Variants in GLIS3 observed in about 807,000 individuals in gnomAD.
GLIS3 encodes zinc finger protein GLIS3.
In GLIS3, 53 loss-of-function variants were observed where a neutral mutation model predicts 78.6. The observed-to-expected ratio is 0.67, with a 90% CI of 0.54 to 0.85. GLIS3 has a LOEUF of 0.85. Ranked by LOEUF, GLIS3 falls within the 40% of genes least tolerant of loss-of-function variation. GLIS3 has a pLI of 0.00. For missense variants in GLIS3, 1,703 were observed against 1,231.1 expected (o/e 1.38, Z -5.74); for synonymous variants, 684 against 509.9 (o/e 1.34, Z -4.60).
chr9:4,073,689 C>T (rs1016090320), intron 4 of GLIS3, among the ~76,000 whole-genome samples: 4 of 152,212 alleles, frequency 2.6e-5, no homozygotes, highest in African/African-American at 7.2e-5. Context: ...ATACCACCTA[C>T]GCGGCAGTCG....
chr9:4,407,571 C>T, the GLIS3 span, among the ~76,000 whole-genome samples: 72 of 152,232 alleles, frequency 4.7e-4, no homozygotes, highest in African/African-American at 1.6e-3. Flanking sequence ...GGCGAGAACC[C>T]GGGAGGCGGA....
chr9:4,048,619 A>T (rs964843927), intron 4 of GLIS3, among the ~76,000 whole-genome samples: 1 of 152,162 alleles, frequency 6.6e-6, no homozygotes, highest in Non-Finnish European at 1.5e-5. Flanking sequence ...GCATCTCTTC[A>T]AAGAGAGCAC....
At chr9:4,459,151 C>A in the GLIS3 span, among the ~76,000 whole-genome samples, 1 of 152,108 alleles carries the variant, frequency 6.6e-6, no homozygotes, top group Non-Finnish European at 1.5e-5. Flanking sequence ...ATTTAGGAGA[C>A]CATTGAATAA....
the GLIS3 span, among the ~76,000 whole-genome samples, chr9:4,476,824 C>G: frequency 2.6e-5 from 4 of 151,884 alleles, no homozygotes; most frequent in East Asian, 7.7e-4. Context: ...AAAGTGTAGC[C>G]ACAATCCTAA....
intron 2 of GLIS3, among the ~76,000 whole-genome samples, chr9:4,273,279 GC>G (rs2130180613): frequency 6.6e-6 from 1 of 152,216 alleles, no homozygotes; most frequent in Non-Finnish European, 1.5e-5. Context: ...CACTTTACCT[GC>G]CCTACCAGTT....
chr9:4,255,903 G>A (rs1391291468), intron 2 of GLIS3, among the ~76,000 whole-genome samples: 1 of 152,126 alleles, frequency 6.6e-6, no homozygotes, highest in Non-Finnish European at 1.5e-5. Context: ...CCACTGTAAC[G>A]AGTGTACTAC....
At chr9:3,933,949 C>T (rs1423963382) in intron 5 of GLIS3, among the ~76,000 whole-genome samples, 2 of 152,120 alleles carry the variant, frequency 1.3e-5, no homozygotes, top group Non-Finnish European at 2.9e-5. Context: ...CTGCTGTGTT[C>T]ATTGATTGAC....
At chr9:4,289,467 C>T (rs982450855) in intron 1 of GLIS3, among the ~76,000 whole-genome samples, 1 of 152,128 alleles carries the variant, frequency 6.6e-6, no homozygotes, top group African/African-American at 2.4e-5. Context: ...CAATACTAAC[C>T]ATGAACAACA....
At chr9:4,327,167 A>T (rs1055557725) in intron 2 of GLIS3, among the ~76,000 whole-genome samples, 13 of 152,020 alleles carry the variant, frequency 8.6e-5, no homozygotes, top group African/African-American at 3.1e-4. Flanking sequence ...TAGAGGTGAG[A>T]AGGGAGAGTG....
intron 2 of GLIS3, among the ~76,000 whole-genome samples, chr9:4,218,567 C>T (rs529633871): frequency 2.0e-5 from 3 of 152,270 alleles, no homozygotes; most frequent in Admixed American, 6.5e-5. Context: ...CGTGAGCCAC[C>T]GCGCCCGGCC....
At chr9:4,198,394 T>C (rs80018895) in intron 2 of GLIS3, among the ~76,000 whole-genome samples, 2,418 of 152,204 alleles carry the variant, frequency 0.016, 69 homozygotes, top group African/African-American at 0.055. Flanking sequence ...AAAACTCACT[T>C]AAGGAATTAC....
intron 2 of GLIS3, among the ~76,000 whole-genome samples, chr9:4,325,690 C>CT (rs1213116184): frequency 5.3e-5 from 8 of 152,104 alleles, no homozygotes; most frequent in Middle Eastern, 3.4e-3. Context: ...AATCAACTCT[C>CT]TTTTTTTTGA....
At chr9:4,217,409 C>T (rs1820952342) in intron 2 of GLIS3, among the ~76,000 whole-genome samples, 1 of 152,156 alleles carries the variant, frequency 6.6e-6, no homozygotes, top group African/African-American at 2.4e-5. Context: ...GCAGTCACAA[C>T]AAAGACAACT....
intron 2 of GLIS3, among the ~76,000 whole-genome samples, chr9:4,136,600 T>G (rs1833425583): frequency 6.6e-6 from 1 of 152,154 alleles, no homozygotes; most frequent in Non-Finnish European, 1.5e-5. Flanking sequence ...AGACTGGCAT[T>G]CTAAGGAATA....
At chr9:4,040,286 T>TAAA (rs979901550) in intron 4 of GLIS3, among the ~76,000 whole-genome samples, 1 of 128,470 alleles carries the variant, frequency 7.8e-6, no homozygotes, top group Non-Finnish European at 1.6e-5. Context: ...CTTCACAAGG[T>TAAA]AAAAAAAACA....
At chr9:4,179,938 G>A (rs567455272) in intron 2 of GLIS3, among the ~76,000 whole-genome samples, 13 of 151,920 alleles carry the variant, frequency 8.6e-5, no homozygotes, top group African/African-American at 2.9e-4. Flanking sequence ...TTCTAGCCGC[G>A]TTAACAGCAT....
intron 2 of GLIS3, among the ~76,000 whole-genome samples, chr9:4,182,627 C>T (rs1018307600): frequency 1.3e-5 from 2 of 152,160 alleles, no homozygotes; most frequent in African/African-American, 4.8e-5. Flanking sequence ...ATCGCACTCA[C>T]TCTTCATCTT....
At chr9:4,042,301 G>A (rs931081477) in intron 4 of GLIS3, among the ~76,000 whole-genome samples, 2 of 152,042 alleles carry the variant, frequency 1.3e-5, no homozygotes, top group Non-Finnish European at 2.9e-5. Flanking sequence ...CAAGCCCAAG[G>A]GTCAGCAGAA....
chr9:4,114,606 C>T (rs1213987591), intron 4 of GLIS3, among the ~76,000 whole-genome samples: 1 of 152,142 alleles, frequency 6.6e-6, no homozygotes, highest in African/African-American at 2.4e-5. Context: ...CTAGAAAGTA[C>T]TATAGTTAAT....
Sources: allele counts gnomAD v4.1 joint callset (sites outside exome capture counted in the v4.1 genomes callset), GRCh38; gene constraint gnomAD v4.1.1; transcripts MANE v1.5; gene names NCBI Gene and HGNC (gene_info 2026-07-23, HGNC 2026-07-21).